REV3L: variants seen among roughly 807,000 people sequenced by gnomAD.
REV3L encodes DNA polymerase zeta catalytic subunit.
In REV3L, 69 loss-of-function variants were observed where a neutral mutation model predicts 299.4. The observed-to-expected ratio is 0.23, with a 90% confidence interval of 0.19 to 0.28. The LOEUF (loss-of-function observed/expected upper bound fraction) is 0.28, where lower values mean the gene tolerates loss of function less well. Ranked by LOEUF, REV3L falls within the 10% of genes least tolerant of loss-of-function variation. The probability of loss-of-function intolerance (pLI) is 1.00; values close to 1 mark genes in which losing one functional copy is unlikely to be tolerated. For missense variants in REV3L, 3,128 were observed against 3,693.8 expected (o/e 0.85, Z 3.97); for synonymous variants, 1,238 against 1,271.4 (o/e 0.97, Z 0.56).
At chr6:111,350,916 A>G (rs1021254336) in intron 19 of REV3L, among the ~76,000 whole-genome samples, 3 of 152,066 alleles carry the variant, frequency 2.0e-5, no homozygotes, top group Non-Finnish European at 1.5e-5. Flanking sequence ...CAAAGCTAAA[A>G]AACTTTACTG....
intron 30 of REV3L, 77 bp from the exon 31 acceptor site, chr6:111,307,647 T>C: frequency 7.4e-7 from 1 of 1,347,680 alleles, no homozygotes; most frequent in South Asian, 1.2e-5. Flanking sequence ...AATTACAGGT[T>C]TACTCAGGCA....
Position 111,482,944 on chromosome 6 carries a change from A to G in REV3L, c.-56T>C, listed in dbSNP as rs929106133. ...CTGGCGACCCGGCAGCGGCAGCAGCAGCGGCGGCGGCTCCCTCCGCAGCGG... is the reference window on the plus strand; with the variant it reads ...CTGGCGACCCGGCAGCGGCAGCAGCGGCGGCGGCGGCTCCCTCCGCAGCGG... On this transcript the variant is annotated 5_prime_UTR_variant, in exon 1 of 32. Transcript: ENST00000368802. The G allele has an allele frequency of 5.5e-5, 80 of 1,461,448 alleles. No individual in the cohort carries two copies. Among genetic ancestry groups the G allele is most frequent in the Non-Finnish European group, 6.8e-5 (76 of 1,114,722 alleles). The allele number at this position is 1,461,448 out of a possible 1,614,324, so 90.5% of individuals were successfully genotyped here. A position where few individuals can be genotyped will look rare whatever the true frequency, so the allele number is the denominator to read the frequency against.
At chr6:111,309,760 C>T in intron 30 of REV3L, 93 bp downstream of exon 30, 1 of 1,400,072 alleles carries the variant, frequency 7.1e-7, no homozygotes, top group Admixed American at 2.1e-5. Context: ...CCAGCACTCC[C>T]ATATCAATAG....
At chr6:111,365,995 T>C (rs1206338327) in intron 14 of REV3L, among the ~76,000 whole-genome samples, 1 of 152,130 alleles carries the variant, frequency 6.6e-6, no homozygotes, top group African/African-American at 2.4e-5. Flanking sequence ...CTGGGTTACT[T>C]GGGAGATAAA....
intron 9 of REV3L, among the ~76,000 whole-genome samples, chr6:111,381,994 C>T (rs17539518): frequency 1.3e-3 from 205 of 152,260 alleles, no homozygotes; most frequent in African/African-American, 4.7e-3. Context: ...TGTGGTTTCC[C>T]ATTTCATTGC....
At chr6:111,309,175 C>G (rs1409603004) in intron 30 of REV3L, 1 of 152,214 alleles carries the variant, frequency 6.6e-6, no homozygotes, top group Non-Finnish European at 1.5e-5. Flanking sequence ...TCAATTAGAC[C>G]CTCTAGCTTG....
chr6:111,359,211 A>G (rs1178825355), intron 16 of REV3L, among the ~76,000 whole-genome samples, 197 bp from the exon 17 acceptor site: 2 of 152,160 alleles, frequency 1.3e-5, no homozygotes, highest in Non-Finnish European at 2.9e-5. Context: ...TCAATTCATG[A>G]TGTTATTTCA....
At chr6:111,425,654 T>C (rs1786087799) in intron 1 of REV3L, among the ~76,000 whole-genome samples, 1 of 151,858 alleles carries the variant, frequency 6.6e-6, no homozygotes, top group South Asian at 2.1e-4. Context: ...TGGCACCATA[T>C]ATATATATAT....
intron 27 of REV3L, among the ~76,000 whole-genome samples, chr6:111,314,874 CAG>C (rs1773355685): frequency 8.0e-6 from 1 of 124,938 alleles, no homozygotes; most frequent in Admixed American, 8.8e-5. Context: ...TTTTTAGAGA[CAG>C]GGTCTTACTT....
chr6:111,376,875 G>C, intron 12 of REV3L, 118 bp from the exon 13 acceptor site: 1 of 762,678 alleles, frequency 1.3e-6, no homozygotes, highest in Non-Finnish European at 2.0e-6. Flanking sequence ...ATTAAGTTTG[G>C]TTATCTTAAC....
intron 6 of REV3L, among the ~76,000 whole-genome samples, 185 bp downstream of exon 6, chr6:111,389,901 T>C (rs999972478): frequency 6.6e-6 from 1 of 151,922 alleles, no homozygotes; most frequent in Non-Finnish European, 1.5e-5. Flanking sequence ...CACACTCAGC[T>C]AATTTATTTT....
In REV3L at chr6:111,417,793, A is replaced by G. The variant is rs1784926706; in HGVS notation, c.140-1321T>C. Among the ~76,000 whole-genome samples, 3 of 152,264 alleles carry G rather than the reference A, an allele frequency of 2.0e-5. No individual in the cohort carries two copies. The South Asian group carries it at 6.2e-4, about 31-fold the overall frequency. ...TTATTACATAAAGCAGAGCAAATTTAGAAAGATCAGTCACATAATGAAACA... is the reference window on the plus strand; with the variant it reads ...TTATTACATAAAGCAGAGCAAATTTGGAAAGATCAGTCACATAATGAAACA... On this transcript the variant is annotated intron_variant, in intron 1 of 31. Coordinates refer to ENST00000368802, the MANE Select transcript of REV3L (RefSeq NM_001372078.1).
intron 1 of REV3L, among the ~76,000 whole-genome samples, chr6:111,474,407 C>T (rs1009223642): frequency 2.0e-5 from 3 of 152,154 alleles, no homozygotes; most frequent in Non-Finnish European, 2.9e-5. Flanking sequence ...CCTTCGGCAC[C>T]GTGAATACAA....
intron 9 of REV3L, among the ~76,000 whole-genome samples, chr6:111,384,359 C>G (rs1781125556): frequency 6.6e-6 from 1 of 152,114 alleles, no homozygotes; most frequent in Non-Finnish European, 1.5e-5. Context: ...AACTATCCAT[C>G]TGACAAGGGA....
At chr6:111,430,414 A>C in intron 1 of REV3L, 1 of 1,439,658 alleles carries the variant, frequency 6.9e-7, no homozygotes, top group Non-Finnish European at 9.8e-7. Flanking sequence ...GAAAAACTAA[A>C]GGATATTTTC....
At chr6:111,425,479 G>C (rs1279247014) in intron 1 of REV3L, among the ~76,000 whole-genome samples, 1 of 151,852 alleles carries the variant, frequency 6.6e-6, no homozygotes, top group Non-Finnish European at 1.5e-5. Context: ...AAAGAATAGA[G>C]ACTATACAAA....
At chr6:111,430,722 A>C in intron 1 of REV3L, 1 of 1,546,660 alleles carries the variant, frequency 6.5e-7, no homozygotes, top group Non-Finnish European at 8.9e-7. Flanking sequence ...AAAGACAAAG[A>C]CATGCTTGAA....
rs751265270 is a variant in REV3L at position 111,374,776 on chromosome 6, T to C, written c.3579A>G (p.Lys1193=). The C allele has an allele frequency of 1.2e-6, 2 of 1,612,250 alleles. No homozygotes were observed. The highest frequency in any genetic ancestry group is 1.1e-5 in the South Asian group (1 of 90,618). The change falls in exon 13 of 32, where the codon AAA becomes AAG. Residue 1193 remains lysine, a synonymous_variant. Transcript: ENST00000368802. The part of the protein sequence containing the change: ...NPSIVTKKRN[K]RNQTNKLVDD... Reference sequence around the variant, plus strand: ...CTACTAGTTTATTTGTCTGATTTCGTTTGTTCCTTTTCTTAGTAACTATAG... The same window carrying C: ...CTACTAGTTTATTTGTCTGATTTCGCTTGTTCCTTTTCTTAGTAACTATAG...
intron 1 of REV3L, among the ~76,000 whole-genome samples, chr6:111,449,956 A>C (rs139511708): frequency 1.1e-4 from 17 of 152,206 alleles, no homozygotes; most frequent in Admixed American, 9.2e-4. Flanking sequence ...ACTGTAAACT[A>C]TATGTTCAAG....
Sources: allele counts gnomAD v4.1 joint callset (sites outside exome capture counted in the v4.1 genomes callset), GRCh38; gene constraint gnomAD v4.1.1; transcripts MANE v1.5; gene names NCBI Gene and HGNC (gene_info 2026-07-23, HGNC 2026-07-21).